Variants in DPYD observed in about 807,000 individuals in gnomAD.
The protein encoded by DPYD is dihydropyrimidine dehydrogenase [NADP(+)].
DPYD carries 109 observed loss-of-function variants against 116.2 expected under a neutral mutation model. The ratio of observed to expected loss-of-function variants is 0.94; its 90% CI spans 0.80 to 1.10. DPYD has a LOEUF of 1.10. DPYD is among the 50% of genes least tolerant of loss of function. The pLI is 0.00. For missense variants in DPYD, 1,302 were observed against 1,254.5 expected, an observed-to-expected ratio of 1.04 and a Z score of -0.57; for synonymous variants, 440 against 432.0, an observed-to-expected ratio of 1.02 and a Z score of -0.23.
chr1:97,157,287 A>T (rs924287095), intron 20 of DPYD, among the ~76,000 whole-genome samples: 8 of 151,940 alleles, frequency 5.3e-5, no homozygotes, highest in African/African-American at 1.7e-4. Context: ...TAAAATTAAA[A>T]AAACCCCTTC....
intron 1 of DPYD, among the ~76,000 whole-genome samples, chr1:97,889,665 T>G (rs1469380284): frequency 6.6e-6 from 1 of 152,052 alleles, no homozygotes; most frequent in Admixed American, 6.6e-5. Flanking sequence ...AATTAAAGAC[T>G]TCAATACTCC....
intron 2 of DPYD, among the ~76,000 whole-genome samples, chr1:97,847,845 T>C (rs1475198365): frequency 6.6e-6 from 1 of 152,138 alleles, no homozygotes; most frequent in Non-Finnish European, 1.5e-5. Context: ...GAAAAGATTC[T>C]CAGAATCAAA....
intron 19 of DPYD, among the ~76,000 whole-genome samples, chr1:97,214,917 CTT>C (rs1381193058): frequency 2.0e-5 from 3 of 152,328 alleles, no homozygotes; most frequent in African/African-American, 7.2e-5. Flanking sequence ...AACATTAACA[CTT>C]GACCCTTTCC....
chr1:97,390,524 T>C (rs898800703), intron 14 of DPYD, among the ~76,000 whole-genome samples: 2 of 152,060 alleles, frequency 1.3e-5, no homozygotes, highest in East Asian at 1.9e-4. Context: ...AATATATACA[T>C]TGACTATAAG....
At chr1:97,269,202 A>G (rs1664419718) in intron 18 of DPYD, among the ~76,000 whole-genome samples, 1 of 152,130 alleles carries the variant, frequency 6.6e-6, no homozygotes, top group East Asian at 1.9e-4. Context: ...CCAATACCAC[A>G]TTCGTTATTT....
chr1:97,797,120 T>TA (rs34756596), intron 3 of DPYD: 3 of 152,120 alleles, frequency 2.0e-5, no homozygotes, highest in East Asian at 1.9e-4. Context: ...GTCTTATCTT[T>TA]AAAAAAATGC....
rs139405089 is a variant in DPYD at position 97,454,823 on chromosome 1, A to T, written c.1741-4600T>A. Among the ~76,000 whole-genome samples the T allele has an allele frequency of 4.6e-3, 700 of 152,056 alleles. 5 individuals are homozygous for T. Among genetic ancestry groups the T allele is most frequent in the African/African-American group, 0.016 (657 of 41,556 alleles). ...CAGTCACAATGGCCACAATGAACACAAAAAGAAAACTTTGCAGAAATGTCT... is the reference window on the plus strand; with the variant it reads ...CAGTCACAATGGCCACAATGAACACTAAAAGAAAACTTTGCAGAAATGTCT... On this transcript the variant is annotated intron_variant, in intron 13 of 22. Coordinates refer to ENST00000370192, the MANE Select transcript of DPYD (RefSeq NM_000110.4).
At chr1:97,649,404 T>C (rs971608412) in intron 8 of DPYD, among the ~76,000 whole-genome samples, 3 of 152,090 alleles carry the variant, frequency 2.0e-5, no homozygotes, top group Admixed American at 1.3e-4. Flanking sequence ...TAGAAATTCT[T>C]TTTATAAATG....
At chr1:97,883,160 G>A (rs536247915) in intron 2 of DPYD, 104 bp downstream of exon 2, 30 of 702,974 alleles carry the variant, frequency 4.3e-5, no homozygotes, top group Admixed American at 2.7e-4. Flanking sequence ...TTAAAATCAC[G>A]GCTGTACTTT....
intron 14 of DPYD, among the ~76,000 whole-genome samples, chr1:97,421,127 C>T (rs556325104): frequency 6.6e-6 from 1 of 152,242 alleles, no homozygotes; most frequent in African/African-American, 2.4e-5. Context: ...GGTAAAGCCC[C>T]TTAATTTCTC....
chr1:97,581,259 G>A (rs1404915310), intron 10 of DPYD, among the ~76,000 whole-genome samples: 2 of 148,046 alleles, frequency 1.4e-5, no homozygotes, highest in African/African-American at 2.5e-5. Flanking sequence ...CCCGGGAAGT[G>A]GAGGTTGCAG....
chr1:97,169,417 C>T (rs1185426059), intron 20 of DPYD, among the ~76,000 whole-genome samples: 1 of 152,110 alleles, frequency 6.6e-6, no homozygotes. Flanking sequence ...TTAGAAGGAG[C>T]ATTTCTTTCC....
chr1:97,442,085 T>G (rs1557714215), intron 14 of DPYD, among the ~76,000 whole-genome samples: 1 of 152,112 alleles, frequency 6.6e-6, no homozygotes, highest in Admixed American at 6.6e-5. Context: ...TTTACTCACA[T>G]GCATGAGCTG....
intron 12 of DPYD, 68 bp downstream of exon 12, chr1:97,549,492 G>A (rs1475513268): frequency 1.3e-6 from 2 of 1,497,512 alleles, no homozygotes; most frequent in Non-Finnish European, 1.9e-6. Context: ...TTATAGATGA[G>A]TATCAAAAAT....
chr1:97,550,646 G>A (rs1200218055), intron 11 of DPYD, among the ~76,000 whole-genome samples: 1 of 152,062 alleles, frequency 6.6e-6, no homozygotes, highest in African/African-American at 2.4e-5. Flanking sequence ...TTCTCTCCAG[G>A]TAACGTCATA....
Position 97,593,291 on chromosome 1 carries a change from AG to A in DPYD, c.1054del (p.Leu352TyrfsTer19), listed in dbSNP as rs771024192. ...DTAFDCATSALRCGARRVFIV... is the reference protein window; with the variant it reads ...DTAFDCATSAXRCGARRVFIV... ...GAACACACGGCGAGCTCCACAACGT[AG>A]AGCAGATGTTGCACAGTCAAAGGCA... On this transcript the variant is annotated frameshift_variant, in exon 10 of 23. Transcript: ENST00000370192. LOFTEE classifies it high-confidence loss of function. The A allele has an allele frequency of 6.2e-7, 1 of 1,614,182 alleles. No homozygotes were observed. Among genetic ancestry groups the A allele is most frequent in the East Asian group, 2.2e-5 (1 of 44,870 alleles).
At chr1:97,757,896 T>G (rs915007667) in intron 3 of DPYD, among the ~76,000 whole-genome samples, 16 of 152,156 alleles carry the variant, frequency 1.1e-4, no homozygotes, top group African/African-American at 3.9e-4. Flanking sequence ...ATTTTCTACA[T>G]AGTGTTACCA....
chr1:97,602,763 A>G (rs1655340251), intron 8 of DPYD, among the ~76,000 whole-genome samples: 1 of 151,934 alleles, frequency 6.6e-6, no homozygotes, highest in Non-Finnish European at 1.5e-5. Flanking sequence ...TTATGACACA[A>G]TGAGAACAAC....
At chr1:97,568,082 T>C (rs1326681939) in intron 11 of DPYD, among the ~76,000 whole-genome samples, 2 of 152,048 alleles carry the variant, frequency 1.3e-5, no homozygotes, top group Non-Finnish European at 2.9e-5. Flanking sequence ...AAATATATAA[T>C]ACAGTTACAG....
Sources: allele counts gnomAD v4.1 joint callset (sites outside exome capture counted in the v4.1 genomes callset), GRCh38; gene constraint gnomAD v4.1.1; transcripts MANE v1.5; gene names NCBI Gene and HGNC (gene_info 2026-07-23, HGNC 2026-07-21).